ZNF232: variants seen among roughly 807,000 people sequenced by gnomAD.
The protein encoded by ZNF232 is zinc finger and SCAN domain-containing protein 11.
A neutral mutation model predicts 25.2 loss-of-function variants in ZNF232; 25 were observed. The observed-to-expected ratio is 0.99, with a 90% CI of 0.72 to 1.39. The LOEUF (loss-of-function observed/expected upper bound fraction) is 1.39. Ranked by LOEUF, ZNF232 falls within the 40% of genes most tolerant of loss-of-function variation. ZNF232 has a pLI of 0.00. For synonymous variants in ZNF232, 193 were observed against 182.9 expected, an observed-to-expected ratio of 1.06 and a Z score of -0.45; for missense variants, 519 against 520.9, an observed-to-expected ratio of 1.00 and a Z score of 0.04.
chr17:5,110,688 C>G (rs1295997650), intron 1 of ZNF232, among the ~76,000 whole-genome samples: 1 of 152,176 alleles, frequency 6.6e-6, no homozygotes, highest in African/African-American at 2.4e-5. Context: ...CAGCTATGAA[C>G]AAGTCTCGGG....
intron 2 of ZNF232, 47 bp downstream of exon 2, chr17:5,109,347 A>C (rs746509061): frequency 6.2e-7 from 1 of 1,609,908 alleles, no homozygotes; most frequent in Non-Finnish European, 8.5e-7. Flanking sequence ...GTCCAGCCTG[A>C]AGGTCATCAA....
chr17:5,121,912 G>T (rs529682099), intron 1 of ZNF232, among the ~76,000 whole-genome samples: 1 of 152,192 alleles, frequency 6.6e-6, no homozygotes. Flanking sequence ...GTCTGATTGA[G>T]GAGCCTTGAA....
intron 1 of ZNF232, chr17:5,120,595 T>G (rs2072632161): frequency 2.7e-6 from 1 of 364,104 alleles, no homozygotes; most frequent in African/African-American, 2.1e-5. Context: ...CAGGATGGCC[T>G]TGGGTGAGCT....
chr17:5,115,567 C>CAA (rs766624770), upstream of ZNF232, among the ~76,000 whole-genome samples: 4 of 151,776 alleles, frequency 2.6e-5, no homozygotes, highest in Non-Finnish European at 5.9e-5. Context: ...CACACACACA[C>CAA]ACACACACAA....
intron 3 of ZNF232, chr17:5,108,665 T>G: frequency 2.7e-6 from 1 of 376,568 alleles, no homozygotes; most frequent in Non-Finnish European, 4.9e-6. Context: ...AGTTAAGAGA[T>G]GCTGGCCAGG....
At chr17:5,123,007 C>A in exon 1 of ZNF232, 1 of 153,334 alleles carries the variant, frequency 6.5e-6, no homozygotes, top group South Asian at 1.8e-4. Context: ...CTTGGGCGTC[C>A]GGCTCGTCTT....
intron 1 of ZNF232, among the ~76,000 whole-genome samples, chr17:5,119,034 G>A (rs570141571): frequency 6.6e-6 from 1 of 152,140 alleles, no homozygotes; most frequent in African/African-American, 2.4e-5. Context: ...TCAAAGATGG[G>A]GTTTCACTGG....
upstream of ZNF232, among the ~76,000 whole-genome samples, chr17:5,115,480 GGCGGAGGTTACAGTGA>G (rs1205123483): frequency 2.6e-5 from 4 of 151,970 alleles, no homozygotes; most frequent in Non-Finnish European, 4.4e-5. Context: ...TAACCCGGGA[GGCGGAGGTTACAGTGA>G]GCCGAGATGG....
At position 5,117,289 on chromosome 17, in the gene ZNF232, G is replaced by A. The variant is rs182150469; in HGVS notation, c.-529-4938C>T. Among the ~76,000 whole-genome samples the A allele has an allele frequency of 5.3e-4, 80 of 151,988 alleles. 1 individual carries two copies. The highest frequency in any genetic ancestry group is 5.0e-3 in the Admixed American group (77 of 15,280). Reference sequence around the variant, plus strand: ...TCCCAGCACTTTGGGAGGCCGAGGCGGGTGGATCATGAGGTCAGGAGTTTG... The same window carrying A: ...TCCCAGCACTTTGGGAGGCCGAGGCAGGTGGATCATGAGGTCAGGAGTTTG... On this transcript the variant is annotated intron_variant, in intron 1 of 4. Transcript: ENST00000250076.
At chr17:5,106,500 G>T in exon 4 of ZNF232, 1 of 1,611,638 alleles carries the variant, frequency 6.2e-7, no homozygotes, top group Non-Finnish European at 8.5e-7. Flanking sequence ...GCCATCTTCT[G>T]TAACAACTGA....
In ZNF232 at chr17:5,108,917, G is replaced by C. The variant is rs1304700370; in HGVS notation, c.625+9C>G. The C allele has an allele frequency of 6.2e-7, 1 of 1,613,680 alleles. No individual in the cohort carries two copies. The highest frequency in any genetic ancestry group is 1.1e-5 in the South Asian group (1 of 91,064). Reference sequence around the variant, plus strand: ...CTCCTCTCCCTCCCCACAGAATCCTGCTCCTCACCACTCTTTGGGAAAGGC... The same window carrying C: ...CTCCTCTCCCTCCCCACAGAATCCTCCTCCTCACCACTCTTTGGGAAAGGC... On this transcript the variant is annotated intron_variant, in intron 3 of 3. Coordinates refer to ENST00000575898, the Ensembl canonical transcript of ZNF232.
chr17:5,109,492 C>G, exon 2 of ZNF232: 2 of 1,614,178 alleles, frequency 1.2e-6, no homozygotes, highest in Non-Finnish European at 1.7e-6. Flanking sequence ...GATTGGAGCT[C>G]CTCAGGCAGG....
intron 1 of ZNF232, among the ~76,000 whole-genome samples, chr17:5,121,048 G>A (rs894394821): frequency 1.3e-5 from 2 of 152,192 alleles, no homozygotes; most frequent in African/African-American, 4.8e-5. Flanking sequence ...CTGTTTACAG[G>A]ATGTGTGTAT....
In ZNF232 at chr17:5,109,069, A is replaced by T; in HGVS notation, c.499-17T>A. ...GCCTGGGACCTGGAGGTGATCAGGC[A>T]CCACTCAGTTTAAATTTTCTTCAAA... is the stretch of plus-strand genomic sequence containing the variant. On this transcript the variant is annotated splice_polypyrimidine_tract_variant and intron_variant, in intron 2 of 3. Coordinates refer to ENST00000575898, the Ensembl canonical transcript of ZNF232. The T allele has an allele frequency of 6.2e-7, 1 of 1,613,812 alleles. No individual in the cohort carries two copies. Among genetic ancestry groups the T allele is most frequent in the Non-Finnish European group, 8.5e-7 (1 of 1,179,890 alleles).
chr17:5,116,512 C>T (rs559014888), upstream of ZNF232: 14 of 152,484 alleles, frequency 9.2e-5, no homozygotes, highest in African/African-American at 3.4e-4. Flanking sequence ...AGGCCAGTGC[C>T]TGTCCGGGAA....
chr17:5,121,278 G>C (rs2072657045), intron 1 of ZNF232: 2 of 359,526 alleles, frequency 5.6e-6, no homozygotes, highest in Admixed American at 7.4e-5. Flanking sequence ...GGGCCCCATA[G>C]AGGCCAGGGA....
At chr17:5,117,137 C>T (rs1490821880) in intron 1 of ZNF232, among the ~76,000 whole-genome samples, 1 of 152,208 alleles carries the variant, frequency 6.6e-6, no homozygotes, top group Non-Finnish European at 1.5e-5. Flanking sequence ...ATTAGTTTCT[C>T]TTCTACAATT....
upstream of ZNF232, among the ~76,000 whole-genome samples, chr17:5,112,958 C>CA (rs149997081): frequency 6.1e-4 from 91 of 149,262 alleles, 1 homozygote; most frequent in East Asian, 1.6e-3. Flanking sequence ...GACTCCGTCT[C>CA]AAAAAAAAAA....
intron 3 of ZNF232, among the ~76,000 whole-genome samples, chr17:5,106,909 C>CA (rs1026097228): frequency 1.2e-4 from 18 of 151,514 alleles, no homozygotes; most frequent in African/African-American, 2.9e-4. Context: ...TTTCTAAAGG[C>CA]AAAAAAAACT....
Sources: gnomAD v4.1 joint callset for allele counts (sites outside exome capture counted in the v4.1 genomes callset) on GRCh38, gnomAD v4.1.1 for gene constraint, MANE v1.5 for transcripts, NCBI Gene and HGNC (gene_info 2026-07-23, HGNC 2026-07-21) for gene names.